SCAPER: variants seen among roughly 807,000 people sequenced by gnomAD.
The protein encoded by SCAPER is S-phase cyclin A associated protein in the ER, also known as S phase cyclin A-associated protein in the endoplasmic reticulum.
Under a neutral mutation model 182.2 loss-of-function variants are expected in SCAPER, and 98 were observed. The observed-to-expected ratio is 0.54, with a 90% confidence interval of 0.46 to 0.64. SCAPER has a LOEUF of 0.64. SCAPER is among the 30% of genes least tolerant of loss of function. SCAPER has a pLI of 0.00. For synonymous variants in SCAPER, 605 were observed against 564.6 expected (o/e 1.07, Z -1.01); for missense variants, 1,432 against 1,690.0 (o/e 0.85, Z 2.68).
At chr15:76,532,349 C>T (rs1291845543) in intron 23 of SCAPER, among the ~76,000 whole-genome samples, 2 of 151,324 alleles carry the variant, frequency 1.3e-5, no homozygotes, top group Non-Finnish European at 2.9e-5. Context: ...CCTTCCTTTC[C>T]TTCCTTCCCT....
intron 25 of SCAPER, among the ~76,000 whole-genome samples, chr15:76,438,519 G>T (rs773730715): frequency 8.5e-5 from 13 of 152,110 alleles, no homozygotes; most frequent in Non-Finnish European, 1.8e-4. Flanking sequence ...GTCTCACTGG[G>T]GGCTTTGTGC....
intron 27 of SCAPER, among the ~76,000 whole-genome samples, chr15:76,400,069 G>A (rs368265010): frequency 1.4e-4 from 21 of 152,040 alleles, no homozygotes; most frequent in African/African-American, 5.1e-4. Context: ...GAAGATTAAG[G>A]GCACAATAGG....
At chr15:76,655,233 A>T (rs1415636521) in intron 21 of SCAPER, among the ~76,000 whole-genome samples, 1 of 152,234 alleles carries the variant, frequency 6.6e-6, no homozygotes, top group Non-Finnish European at 1.5e-5. Context: ...CAAAAAACTC[A>T]CTTTGAGAAT....
intron 2 of SCAPER, among the ~76,000 whole-genome samples, chr15:76,866,835 A>AT (rs983730428): frequency 1.5e-4 from 23 of 151,288 alleles, no homozygotes; most frequent in African/African-American, 3.1e-4. Flanking sequence ...TTCAAACAGT[A>AT]TTTTTTTTTA....
chr15:76,363,078 G>A (rs918574883), intron 29 of SCAPER, among the ~76,000 whole-genome samples: 1 of 152,136 alleles, frequency 6.6e-6, no homozygotes, highest in African/African-American at 2.4e-5. Flanking sequence ...AACCACATAC[G>A]GCCCTGCTCC....
intron 24 of SCAPER, among the ~76,000 whole-genome samples, chr15:76,503,681 T>A (rs1011975827): frequency 6.6e-6 from 1 of 152,196 alleles, no homozygotes; most frequent in East Asian, 1.9e-4. Context: ...TTTTTCCAAA[T>A]AAGGAAACAG....
At chr15:76,568,991 T>C (rs140202469) in intron 23 of SCAPER, among the ~76,000 whole-genome samples, 201 of 152,186 alleles carry the variant, frequency 1.3e-3, no homozygotes, top group African/African-American at 4.6e-3. Context: ...AAATTTTCTA[T>C]ATATAACATA....
At chr15:76,486,608 T>C (rs749490654) in intron 24 of SCAPER, among the ~76,000 whole-genome samples, 1 of 152,064 alleles carries the variant, frequency 6.6e-6, no homozygotes, top group Non-Finnish European at 1.5e-5. Context: ...GAAAGAAAGC[T>C]CCTCATCACT....
At chr15:76,776,045 G>A (rs1047053199) in intron 8 of SCAPER, among the ~76,000 whole-genome samples, 6 of 152,184 alleles carry the variant, frequency 3.9e-5, no homozygotes, top group African/African-American at 1.4e-4. Flanking sequence ...AAAAACCCTA[G>A]ATAAAACACT....
chr15:76,475,119 T>G (rs1045270912), intron 24 of SCAPER, among the ~76,000 whole-genome samples: 1 of 152,198 alleles, frequency 6.6e-6, no homozygotes, highest in Non-Finnish European at 1.5e-5. Flanking sequence ...AAAATAATTT[T>G]AAAAATAATT....
At chr15:76,690,564 A>G (rs1386901293) in intron 20 of SCAPER, among the ~76,000 whole-genome samples, 1 of 152,180 alleles carries the variant, frequency 6.6e-6, no homozygotes, top group African/African-American at 2.4e-5. Context: ...CTCATGTACC[A>G]TGGTAATATA....
At chr15:76,714,030 C>T (rs1480472342) in intron 17 of SCAPER, among the ~76,000 whole-genome samples, 3 of 151,980 alleles carry the variant, frequency 2.0e-5, no homozygotes, top group Non-Finnish European at 4.4e-5. Flanking sequence ...ATGACATATA[C>T]ACAAATACTA....
chr15:76,792,396 G>T (rs1374286498), intron 8 of SCAPER, among the ~76,000 whole-genome samples: 3 of 152,092 alleles, frequency 2.0e-5, no homozygotes, highest in African/African-American at 7.2e-5. Flanking sequence ...TAGATTGTGG[G>T]CTCTGGTAGA....
intron 5 of SCAPER, among the ~76,000 whole-genome samples, chr15:76,811,517 G>A (rs978234418): frequency 3.3e-5 from 5 of 152,198 alleles, no homozygotes; most frequent in African/African-American, 4.8e-5. Context: ...TGGGCCAGGC[G>A]CGGTGGCTCA....
At chr15:76,902,608 T>G (rs1250859402) in intron 1 of SCAPER, among the ~76,000 whole-genome samples, 1 of 152,216 alleles carries the variant, frequency 6.6e-6, no homozygotes, top group South Asian at 2.1e-4. Flanking sequence ...AAATGCCAAT[T>G]CCACAATGGA....
At chr15:76,614,074 G>A (rs367680998) in intron 22 of SCAPER, among the ~76,000 whole-genome samples, 47 of 152,266 alleles carry the variant, frequency 3.1e-4, no homozygotes, top group African/African-American at 1.1e-3. Flanking sequence ...CCATAAGAAG[G>A]AATGAGATCA....
At position 76,597,295 on chromosome 15, in the gene SCAPER, A is replaced by G. The variant is rs2049585755; in HGVS notation, c.2712-23011T>C. On this transcript the variant is annotated intron_variant, in intron 22 of 31. Coordinates refer to ENST00000563290, the MANE Select transcript of SCAPER (RefSeq NM_020843.4). ...GGAGAACTACAAACCACTACTCCAC[A>G]AAATAAAAGAGGACACAAACAAATG... Among the ~76,000 whole-genome samples, 2 of 121,646 alleles carry G rather than the reference A, an allele frequency of 1.6e-5. 1 individual carries two copies. Among genetic ancestry groups the G allele is most frequent in the Non-Finnish European group, 4.0e-5 (2 of 49,956 alleles). The allele number at this position is 121,646 out of a possible 152,430, so 79.8% of individuals were successfully genotyped here. A position where few individuals can be genotyped will look rare whatever the true frequency, so the allele number is the denominator to read the frequency against.
At chr15:76,549,129 G>A (rs963811951) in intron 23 of SCAPER, among the ~76,000 whole-genome samples, 2 of 152,052 alleles carry the variant, frequency 1.3e-5, no homozygotes, top group African/African-American at 4.8e-5. Flanking sequence ...TCAAAAAGTG[G>A]GCAAAGGATA....
chr15:76,367,410 A>G (rs914787238), intron 29 of SCAPER, among the ~76,000 whole-genome samples: 6 of 152,256 alleles, frequency 3.9e-5, no homozygotes, highest in African/African-American at 1.4e-4. Flanking sequence ...CTGAAGACCA[A>G]GGCAAGTCCA....
Sources: gnomAD v4.1 joint callset for allele counts (sites outside exome capture counted in the v4.1 genomes callset) on GRCh38, gnomAD v4.1.1 for gene constraint, MANE v1.5 for transcripts, NCBI Gene and HGNC (gene_info 2026-07-23, HGNC 2026-07-21) for gene names.